The following COPG2 variants were observed in gnomAD, a reference collection of about 807,000 sequenced individuals.
COPG2 encodes the protein coatomer subunit gamma-2.
In COPG2, 37 loss-of-function variants were observed where a neutral mutation model predicts 46.3. The ratio of observed to expected loss-of-function variants is 0.80; its 90% CI spans 0.61 to 1.05. The LOEUF (loss-of-function observed/expected upper bound fraction) is 1.05. COPG2 is among the 50% of genes least tolerant of loss of function. The pLI, the probability that COPG2 is intolerant of heterozygous loss-of-function variation, is 0.00. For synonymous variants in COPG2, 159 were observed against 129.7 expected (o/e 1.23, Z -1.53); for missense variants, 427 against 387.8 (o/e 1.10, Z -0.85).
chr7:130,561,215 T>C lies in COPG2; in HGVS notation c.946A>G (p.Met316Val), dbSNP rs1368966573. ...AAVRTLNKVA[M>V]KHPSAVTACN... ...GCAGTAACAGCAGAGGGGTGCTTCA[T>C]TGCCACCTTGTGGAAGGGCAAGAAA... Residue 316 changes from methionine to valine, a missense_variant, in exon 12 of 24, where the codon ATG becomes GTG. Coordinates refer to ENST00000425248, the MANE Select transcript of COPG2 (RefSeq NM_012133.6). 6 of 398,450 alleles carry C rather than the reference T, an allele frequency of 1.5e-5. No individual in the cohort carries two copies. Among genetic ancestry groups the C allele is most frequent in the Admixed American group, 8.8e-5 (2 of 22,714 alleles). 24.7% of individuals were successfully genotyped at this position (398,450 alleles called of 1,614,324 possible).
At chr7:130,666,766 A>G in intron 3 of COPG2, 83 bp downstream of exon 3, 2 of 676,330 alleles carry the variant, frequency 3.0e-6, no homozygotes, top group Non-Finnish European at 5.0e-6. Flanking sequence ...ATAAATAAAT[A>G]TACTTTCCAG....
intron 12 of COPG2, 45 bp downstream of exon 12, chr7:130,560,988 C>T (rs1793709945): frequency 2.5e-6 from 1 of 398,430 alleles, no homozygotes; most frequent in Non-Finnish European, 4.4e-6. Context: ...AATAAATAGG[C>T]AGCCAACAGA....
chr7:130,636,569 T>C (rs1795342788), intron 5 of COPG2, among the ~76,000 whole-genome samples: 1 of 148,822 alleles, frequency 6.7e-6, no homozygotes. Context: ...TGCTTTCATT[T>C]GCTTGGTAAA....
chr7:130,592,041 T>C (rs1794439305), intron 9 of COPG2, among the ~76,000 whole-genome samples: 1 of 152,216 alleles, frequency 6.6e-6, no homozygotes, highest in African/African-American at 2.4e-5. Context: ...AGACTTTTCA[T>C]TTTGTTCTGT....
chr7:130,540,069 T>C (rs1799921649), intron 20 of COPG2, among the ~76,000 whole-genome samples: 1 of 151,378 alleles, frequency 6.6e-6, no homozygotes, highest in South Asian at 2.1e-4. Flanking sequence ...GGGATGGGAT[T>C]TGGGTTGGGA....
intron 9 of COPG2, chr7:130,608,300 G>A (rs1378063685): frequency 5.5e-6 from 2 of 362,842 alleles, no homozygotes; most frequent in Non-Finnish European, 1.1e-5. Flanking sequence ...ATATATATAA[G>A]CCCCATAATT....
intron 20 of COPG2, chr7:130,509,981 A>G (rs1799570805): frequency 2.1e-6 from 1 of 476,406 alleles, no homozygotes; most frequent in African/African-American, 2.0e-5. Flanking sequence ...TCCACCGGGC[A>G]GCTGGAAACA....
At position 130,658,389 on chromosome 7, in the gene COPG2, G is replaced by A. The variant is rs149443507; in HGVS notation, c.243+4578C>T. 2.3e-3 allele frequency among the ~76,000 whole-genome samples: 355 copies of A among 152,218 alleles called. 2 individuals are homozygous for A. The highest frequency in any genetic ancestry group is 8.4e-3 in the African/African-American group (347 of 41,524). Reference sequence around the variant, plus strand: ...GATTGCCAGGGGCTGAGGGAGGCAAGGAGAAACAGATGATAAAGAGACACG... The same window carrying A: ...GATTGCCAGGGGCTGAGGGAGGCAAAGAGAAACAGATGATAAAGAGACACG... On this transcript the variant is annotated intron_variant, in intron 4 of 23. Transcript: ENST00000425248.
chr7:130,610,708 A>C (rs139970145), intron 9 of COPG2: 20 of 629,188 alleles, frequency 3.2e-5, no homozygotes, highest in African/African-American at 2.7e-4. Flanking sequence ...TGATCAATGC[A>C]TATATTTTTT....
chr7:130,637,619 T>A (rs1311642866), intron 5 of COPG2, among the ~76,000 whole-genome samples: 2 of 152,194 alleles, frequency 1.3e-5, no homozygotes, highest in Non-Finnish European at 2.9e-5. Flanking sequence ...ACTTAGCAAC[T>A]CCTCTAACCT....
chr7:130,643,788 C>T (rs1795538530), intron 5 of COPG2, among the ~76,000 whole-genome samples: 1 of 152,028 alleles, frequency 6.6e-6, no homozygotes, highest in Non-Finnish European at 1.5e-5. Context: ...TAACAAGACC[C>T]CATCTCTATT....
intron 1 of COPG2, 129 bp downstream of exon 1, chr7:130,668,503 G>C (rs1248172135): frequency 1.4e-6 from 1 of 730,990 alleles, no homozygotes; most frequent in African/African-American, 1.9e-5. Context: ...GGAGGGGCCG[G>C]CTCCAGCTCC....
intron 5 of COPG2, among the ~76,000 whole-genome samples, chr7:130,622,251 C>T (rs1795052935): frequency 6.6e-6 from 1 of 152,202 alleles, no homozygotes; most frequent in Non-Finnish European, 1.5e-5. Flanking sequence ...CTCAGAACCA[C>T]TAACTGTTAG....
intron 9 of COPG2, among the ~76,000 whole-genome samples, chr7:130,588,477 T>C (rs1554448406): frequency 6.6e-6 from 1 of 152,128 alleles, no homozygotes; most frequent in African/African-American, 2.4e-5. Flanking sequence ...TAAAAAATGA[T>C]GAGTTCATGT....
chr7:130,663,869 G>A (rs1796025903), intron 3 of COPG2, among the ~76,000 whole-genome samples: 2 of 150,128 alleles, frequency 1.3e-5, no homozygotes, highest in South Asian at 4.2e-4. Context: ...CTCCCAAGTA[G>A]CTGTGATTAC....
intron 9 of COPG2, chr7:130,604,745 T>C (rs782507971): frequency 1.9e-6 from 1 of 516,570 alleles, no homozygotes; most frequent in Non-Finnish European, 3.9e-6. Context: ...GTCTGTCTCA[T>C]TCACAATCTC....
intron 5 of COPG2, among the ~76,000 whole-genome samples, chr7:130,631,410 G>A (rs537607679): frequency 1.8e-4 from 27 of 152,002 alleles, no homozygotes; most frequent in South Asian, 2.1e-4. Context: ...CACCTGCCTC[G>A]GTCTCCCAGT....
Position 130,507,685 on chromosome 7 carries a change from C to T in COPG2, c.2386G>A (p.Glu796Lys), listed in dbSNP as rs1554440376. The change falls in exon 22 of 24, where the codon GAG becomes AAG. Residue 796 changes from glutamate (E) to lysine (K), a missense_variant and splice_region_variant. Transcript: ENST00000425248. ...FALSSTKTLE[E>K]AVNNIITFLG... ...ATACTGATAGCAAAATGGGTCTCAC[C>T]TTCAAGGGTTTTGGTAGAACTGAGG... The T allele has an allele frequency of 1.3e-6, 1 of 779,886 alleles. No homozygotes were observed. Among genetic ancestry groups the T allele is most frequent in the East Asian group, 2.4e-5 (1 of 41,218 alleles). 48.3% of individuals were successfully genotyped at this position (779,886 alleles called of 1,614,324 possible).
intron 9 of COPG2, chr7:130,608,240 T>G (rs372220407): frequency 8.6e-6 from 4 of 465,634 alleles, no homozygotes; most frequent in African/African-American, 7.9e-5. Flanking sequence ...AATGTCCATT[T>G]TTCTCCCTCA....
Sources: gnomAD v4.1 joint callset for allele counts (sites outside exome capture counted in the v4.1 genomes callset) on GRCh38, gnomAD v4.1.1 for gene constraint, MANE v1.5 for transcripts, NCBI Gene and HGNC (gene_info 2026-07-23, HGNC 2026-07-21) for gene names.